Variants in LONRF3 observed in about 807,000 individuals in gnomAD.
LONRF3 encodes the protein LON peptidase N-terminal domain and ring finger 3.
In LONRF3, 19 loss-of-function variants were observed where a neutral mutation model predicts 51.7. That is an observed-to-expected ratio of 0.37 (90% CI 0.26 to 0.54). The LOEUF is 0.54. Ranked by LOEUF, LONRF3 falls within the 20% of genes least tolerant of loss-of-function variation. LONRF3 has a pLI of 0.86. For synonymous variants in LONRF3, 265 were observed against 257.8 expected (o/e 1.03, Z -0.27); for missense variants, 521 against 623.9 (o/e 0.84, Z 1.76).
chrX:118,998,231 G>A (rs1296943470), intron 5 of LONRF3, among the ~76,000 whole-genome samples: 4 of 112,503 alleles, frequency 3.6e-5, no homozygotes, highest in South Asian at 3.7e-4. Context: ...GCCCATCAAC[G>A]AGTGGATAAA....
chrX:119,008,095 G>A (rs909244738), intron 6 of LONRF3, among the ~76,000 whole-genome samples: 2 of 111,752 alleles, frequency 1.8e-5, no homozygotes, highest in African/African-American at 6.5e-5. Context: ...AGTGACAGTG[G>A]CAGATAAGGC....
At chrX:118,979,476 G>A (rs1326090227) in intron 2 of LONRF3, among the ~76,000 whole-genome samples, 2 of 111,250 alleles carry the variant, frequency 1.8e-5, no homozygotes, top group African/African-American at 3.3e-5. Flanking sequence ...TGTATTTTTA[G>A]TAGTGACGGG....
At position 118,974,674 on chromosome X, in the gene LONRF3, G is replaced by A; in HGVS notation, c.-107G>A. 1.4e-6 allele frequency: 1 copy of A among 708,274 alleles called. No homozygotes were observed. 58.4% of individuals were successfully genotyped at this position (708,274 alleles called of 1,213,427 possible). A position where few individuals can be genotyped will look rare whatever the true frequency, so the allele number is the denominator to read the frequency against. On this transcript the variant is annotated 5_prime_UTR_variant, in exon 1 of 11. Coordinates refer to ENST00000371628, the MANE Select transcript of LONRF3 (RefSeq NM_001031855.3). ...TCCCGGAGGCGCGGCAGGGTCAGGA[G>A]CTCGGTGGCATGGCGGCGGTGGCTG...
chrX:119,001,495 T>C (rs1924314232), intron 5 of LONRF3, among the ~76,000 whole-genome samples: 1 of 112,312 alleles, frequency 8.9e-6, no homozygotes, highest in Admixed American at 9.4e-5. Flanking sequence ...CCTCTTAATA[T>C]ACAAAGTTAA....
In LONRF3 at chrX:118,975,581, C is replaced by T. The variant is rs953835480; in HGVS notation, c.801C>T (p.Asn267=). The T allele has an allele frequency of 9.4e-6, 11 of 1,174,924 alleles. No homozygotes were observed. The highest frequency in any genetic ancestry group is 1.3e-5 in the Non-Finnish European group (11 of 879,263). The change falls in exon 1 of 11, where the codon AAC becomes AAT. Residue 267 remains asparagine, a synonymous_variant. Coordinates refer to ENST00000371628, the MANE Select transcript of LONRF3 (RefSeq NM_001031855.3). The part of the protein sequence containing the change: ...RQVEAALLKY[N]EAVKLAPNDH... ...TGGAGGCGGCACTGCTCAAGTACAA[C>T]GAGGCAGTTAAGTTGGGTGAGTCCA...
chrX:118,989,960 T>C (rs1360414401), intron 4 of LONRF3, among the ~76,000 whole-genome samples: 5 of 112,337 alleles, frequency 4.5e-5, no homozygotes, highest in African/African-American at 1.6e-4. Context: ...CCCATGGGGA[T>C]GCCACTTCCT....
At chrX:119,016,132 G>T (rs748596193) in intron 10 of LONRF3, among the ~76,000 whole-genome samples, 12 of 111,644 alleles carry the variant, frequency 1.1e-4, no homozygotes, top group Admixed American at 1.9e-4. Context: ...ATAATTTCAG[G>T]TGTAGGCACT....
intron 3 of LONRF3, among the ~76,000 whole-genome samples, chrX:118,984,589 A>G (rs1922816373): frequency 8.9e-6 from 1 of 111,990 alleles, no homozygotes; most frequent in African/African-American, 3.2e-5. Context: ...CAGCTGCCTA[A>G]TGGTTGGAGG....
chrX:118,997,049 C>A (rs1923928371), intron 5 of LONRF3, among the ~76,000 whole-genome samples: 1 of 111,010 alleles, frequency 9.0e-6, no homozygotes, highest in South Asian at 3.8e-4. Context: ...GTGAAAACGA[C>A]CATACTGCCA....
At chrX:118,982,983 C>A in intron 3 of LONRF3, 40 bp downstream of exon 3, 1 of 1,186,552 alleles carries the variant, frequency 8.4e-7, no homozygotes, top group Non-Finnish European at 1.1e-6. Flanking sequence ...CCTACTGGAC[C>A]CTCCCCTCTC....
At chrX:119,007,086 A>G (rs374596992) in intron 6 of LONRF3, among the ~76,000 whole-genome samples, 2 of 112,702 alleles carry the variant, frequency 1.8e-5, no homozygotes, top group East Asian at 2.8e-4. Context: ...AAATGAGGCA[A>G]CATGCAGCTT....
At chrX:119,007,400 C>G (rs747158850) in intron 6 of LONRF3, among the ~76,000 whole-genome samples, 2 of 111,912 alleles carry the variant, frequency 1.8e-5, no homozygotes, top group Admixed American at 9.5e-5. Flanking sequence ...TTTTGCAGAC[C>G]GCAGCCCTCT....
At chrX:118,983,336 T>C (rs1479712284) in intron 3 of LONRF3, among the ~76,000 whole-genome samples, 1 of 111,863 alleles carries the variant, frequency 8.9e-6, no homozygotes, top group Non-Finnish European at 1.9e-5. Context: ...AACTTTTCTT[T>C]GGCTGAATCA....
At chrX:119,010,291 C>T (rs1418618237) in intron 7 of LONRF3, among the ~76,000 whole-genome samples, 1 of 111,238 alleles carries the variant, frequency 9.0e-6, no homozygotes, top group Non-Finnish European at 1.9e-5. Context: ...CTAATTTCTG[C>T]CTCTCTTGCT....
At chrX:118,979,295 G>A (rs1434822369) in intron 2 of LONRF3, among the ~76,000 whole-genome samples, 2 of 104,576 alleles carry the variant, frequency 1.9e-5, no homozygotes, top group Non-Finnish European at 3.8e-5. Context: ...GAGCCACCGC[G>A]CTGGCTTTTT....
At chrX:118,992,234 G>A (rs899689742) in intron 5 of LONRF3, among the ~76,000 whole-genome samples, 3 of 111,280 alleles carry the variant, frequency 2.7e-5, no homozygotes, top group African/African-American at 9.8e-5. Flanking sequence ...CAGGACCCAG[G>A]AGACACCCCA....
At chrX:118,997,334 T>C (rs1008001186) in intron 5 of LONRF3, among the ~76,000 whole-genome samples, 2 of 111,940 alleles carry the variant, frequency 1.8e-5, no homozygotes, top group Non-Finnish European at 3.8e-5. Flanking sequence ...TACAGCCAAC[T>C]GATCTTCAAC....
intron 2 of LONRF3, 72 bp downstream of exon 2, chrX:118,978,535 T>C: frequency 3.0e-6 from 2 of 669,112 alleles, no homozygotes; most frequent in Non-Finnish European, 4.8e-6. Context: ...GCTGCCTCCC[T>C]GGAGCATAGG....
chrX:118,996,756 A>G (rs1043138099), intron 5 of LONRF3, among the ~76,000 whole-genome samples: 1 of 109,732 alleles, frequency 9.1e-6, no homozygotes, highest in African/African-American at 3.3e-5. Flanking sequence ...TCCTGTCTCT[A>G]CTAAAAATAC....
Sources: allele counts gnomAD v4.1 joint callset (sites outside exome capture counted in the v4.1 genomes callset), GRCh38; gene constraint gnomAD v4.1.1; transcripts MANE v1.5; gene names NCBI Gene and HGNC (gene_info 2026-07-23, HGNC 2026-07-21).